Variants in STOM observed in about 807,000 individuals in gnomAD.
The protein encoded by STOM is stomatin, also known as erythrocyte band 7 integral membrane protein.
Under a neutral mutation model 30.6 loss-of-function variants are expected in STOM, and 25 were observed. That is an observed-to-expected ratio of 0.82 (90% CI 0.60 to 1.14). STOM has a LOEUF of 1.14. STOM is among the 50% of genes most tolerant of loss of function. The pLI is 0.00. For missense variants in STOM, 292 were observed against 365.2 expected (o/e 0.80, Z 1.63); for synonymous variants, 118 against 130.8 (o/e 0.90, Z 0.67).
chr9:121,356,072 G>A lies in STOM; in HGVS notation c.146C>T (p.Ser49Leu), dbSNP rs1300755613. 2 of 1,613,906 alleles carry A rather than the reference G, an allele frequency of 1.2e-6. No homozygotes were observed. The highest frequency in any genetic ancestry group is 8.5e-7 in the Non-Finnish European group (1 of 1,179,968). ...CTTTACCTTTATGCACATCCATATT[G>A]AGATTGGGAAAGTTATAACGGTGAA... The part of the protein sequence containing the change: ...FLFTVITFPI[S>L]IWMCIKIIKE... Residue 49 changes from serine to leucine, a missense_variant, in exon 2 of 7, where the codon TCA (serine) becomes TTA (leucine). Ser to Leu is a moderately radical substitution (Grantham distance 145). Coordinates refer to ENST00000286713, the MANE Select transcript of STOM (RefSeq NM_004099.6).
At chr9:121,354,840 C>T (rs908604529) in intron 2 of STOM, among the ~76,000 whole-genome samples, 167 bp from the exon 3 acceptor site, 3 of 152,080 alleles carry the variant, frequency 2.0e-5, no homozygotes, top group Non-Finnish European at 4.4e-5. Flanking sequence ...CTTCTCAAAG[C>T]TTATTTATTA....
chr9:121,365,770 G>A (rs2064497212), intron 1 of STOM, among the ~76,000 whole-genome samples: 1 of 152,268 alleles, frequency 6.6e-6, no homozygotes, highest in East Asian at 1.9e-4. Context: ...GAGATAAAAC[G>A]AGAAAATATG....
Position 121,353,209 on chromosome 9 carries a change from G to GA in STOM, c.321+10dup. On this transcript the variant is annotated intron_variant, in intron 4 of 6. Coordinates refer to ENST00000286713, the MANE Select transcript of STOM (RefSeq NM_004099.6). The stretch of plus-strand genomic sequence containing the variant: ...ACATATGATACCTCAGTTATTCAAA[G>GA]AAAACCTTACCTCCTGAGGAGGAAT... 1.9e-6 allele frequency: 3 copies of GA among 1,588,046 alleles called. No homozygotes were observed. The highest frequency in any genetic ancestry group is 2.6e-6 in the Non-Finnish European group (3 of 1,162,578).
rs377272953 is a variant in STOM, at chr9:121,339,538, G to A, written c.*1664C>T. 9.8e-6 allele frequency: 12 copies of A among 1,229,842 alleles called. No homozygotes were observed. In the East Asian group the frequency reaches 3.2e-4, roughly 32 times the overall value. The allele number at this position is 1,229,842 out of a possible 1,614,324, so 76.2% of individuals were successfully genotyped here. ...GGGAAGGGACATCCATTGGCTGGATGGACAGAGTGGTTGAGCTAAAGAGAG... is the reference window on the plus strand; with the variant it reads ...GGGAAGGGACATCCATTGGCTGGATAGACAGAGTGGTTGAGCTAAAGAGAG... On this transcript the variant is annotated 3_prime_UTR_variant, in exon 7 of 7. Transcript: ENST00000286713.
intron 5 of STOM, 82 bp downstream of exon 5, chr9:121,349,038 A>T: frequency 6.8e-7 from 1 of 1,474,770 alleles, no homozygotes; most frequent in Non-Finnish European, 9.2e-7. Context: ...AACTTGAATT[A>T]ATAAAAGGTT....
chr9:121,358,818 T>C (rs2064422540), intron 1 of STOM, among the ~76,000 whole-genome samples: 1 of 152,338 alleles, frequency 6.6e-6, no homozygotes, highest in East Asian at 1.9e-4. Context: ...TTGCCTAAAT[T>C]TCCTCTCAAA....
At chr9:121,364,479 A>G (rs990536705) in intron 1 of STOM, among the ~76,000 whole-genome samples, 4 of 152,172 alleles carry the variant, frequency 2.6e-5, no homozygotes, top group African/African-American at 9.7e-5. Context: ...ATAGTTATAA[A>G]TGCTAGACCA....
At chr9:121,357,491 G>A (rs2064405941) in intron 1 of STOM, among the ~76,000 whole-genome samples, 1 of 136,580 alleles carries the variant, frequency 7.3e-6, no homozygotes, top group African/African-American at 2.5e-5. Context: ...CCAGGCTGGA[G>A]TGCAGCAGCA....
chr9:121,342,367 A>C (rs1328921591), intron 6 of STOM, among the ~76,000 whole-genome samples: 1 of 105,796 alleles, frequency 9.5e-6, no homozygotes, highest in Non-Finnish European at 1.7e-5. Context: ...AATCTGTCTC[A>C]AAAAAAAAAA....
chr9:121,369,929 C>G (rs1310299676), intron 1 of STOM, 198 bp downstream of exon 1: 2 of 518,718 alleles, frequency 3.9e-6, no homozygotes, highest in Non-Finnish European at 6.9e-6. Context: ...GTTGGCAGCC[C>G]GCCACCCCTC....
rs572576134 is a variant in STOM, at chr9:121,366,278, A to C, written c.61+3849T>G. The C allele has an allele frequency of 1.1e-4, 104 of 984,854 alleles. No homozygotes were observed. The African/African-American group carries it at 1.7e-3, about 16-fold the overall frequency. The allele number at this position is 984,854 out of a possible 1,614,324, so 61.0% of individuals were successfully genotyped here. ...AGTCCCAGCAGACAGAGAAAGATTA[A>C]AAAAGAATGTAGCAACAAGTGTGTG... is the stretch of plus-strand genomic sequence containing the variant. On this transcript the variant is annotated intron_variant, in intron 1 of 6. Transcript: ENST00000286713.
intron 6 of STOM, among the ~76,000 whole-genome samples, chr9:121,342,688 A>T (rs907957623): frequency 6.6e-6 from 1 of 152,234 alleles, no homozygotes; most frequent in Non-Finnish European, 1.5e-5. Context: ...TAAAAGAATG[A>T]TGTTAACAGT....
rs563848713 is a variant in STOM at position 121,353,666 on chromosome 9, C to G, written c.239-364G>C. On this transcript the variant is annotated intron_variant, in intron 3 of 6. Transcript: ENST00000286713. ...CCCCCCTAAAATACAAACCCTCCCC[C>G]ACGCATGGTCCTGCATAACCCGCCT... is the stretch of plus-strand genomic sequence containing the variant. 5.2e-4 allele frequency among the ~76,000 whole-genome samples: 79 copies of G among 152,284 alleles called. 1 individual carries two copies. Among genetic ancestry groups the G allele is most frequent in the South Asian group, 1.2e-3 (6 of 4,824 alleles).
chr9:121,346,209 T>G (rs747910354), intron 6 of STOM, among the ~76,000 whole-genome samples: 2 of 152,126 alleles, frequency 1.3e-5, no homozygotes, highest in Non-Finnish European at 2.9e-5. Flanking sequence ...AGGCTGGTCT[T>G]GAACTCCTCA....
chr9:121,354,470 T>A, intron 3 of STOM, 131 bp downstream of exon 3: 1 of 622,302 alleles, frequency 1.6e-6, no homozygotes, highest in Non-Finnish European at 2.7e-6. Flanking sequence ...CAGTGAGACA[T>A]GAGCATGCCA....
Position 121,341,402 on chromosome 9 carries a change from C to T in STOM, c.667G>A (p.Ala223Thr). 7.4e-6 allele frequency: 12 copies of T among 1,612,890 alleles called. No homozygotes were observed. The highest frequency in any genetic ancestry group is 2.2e-5 in the East Asian group (1 of 44,876). ...GATGCATTCATTTCTCCTTCGGCTGCAATAACCTATGGACAGGTGAAAGGA... is the reference window on the plus strand; with the variant it reads ...GATGCATTCATTTCTCCTTCGGCTGTAATAACCTATGGACAGGTGAAAGGA... ...ASREARAKVI[A>T]AEGEMNASRA... The change falls in exon 7 of 7, where the codon GCA (alanine) becomes ACA (threonine). Residue 223 changes from alanine to threonine, a missense_variant. Physicochemically the swap from Ala to Thr is moderately conservative, Grantham distance 58. Transcript: ENST00000286713.
chr9:121,347,523 C>A (rs1319829159), intron 6 of STOM, among the ~76,000 whole-genome samples: 1 of 151,854 alleles, frequency 6.6e-6, no homozygotes, highest in Non-Finnish European at 1.5e-5. Flanking sequence ...GGAAAAAGAG[C>A]CTGAGAAAAG....
intron 5 of STOM, 143 bp from the exon 6 acceptor site, chr9:121,348,292 A>C: frequency 8.5e-7 from 1 of 1,177,194 alleles, no homozygotes; most frequent in Non-Finnish European, 1.2e-6. Context: ...ACGAATGGTG[A>C]CGCAGGGGCT....
In STOM at chr9:121,349,105, T is replaced by C. The variant is rs764840450; in HGVS notation, c.525+15A>G. On this transcript the variant is annotated intron_variant, in intron 5 of 6. Transcript: ENST00000286713. ...TTCAGCTTCTGGGGGGTAACAGCAT[T>C]GACGTACTCCCCACCTGCATGTTGT... The C allele has an allele frequency of 1.1e-5, 17 of 1,612,886 alleles. No homozygotes were observed. Among genetic ancestry groups the C allele is most frequent in the African/African-American group, 1.3e-5 (1 of 74,904 alleles).
Sources: gnomAD v4.1 joint callset for allele counts (sites outside exome capture counted in the v4.1 genomes callset) on GRCh38, gnomAD v4.1.1 for gene constraint, MANE v1.5 for transcripts, NCBI Gene and HGNC (gene_info 2026-07-23, HGNC 2026-07-21) for gene names.